The following ABLIM2 variants were observed in gnomAD, a reference collection of about 807,000 sequenced individuals.
The protein encoded by ABLIM2 is actin-binding LIM protein 2.
In ABLIM2, 53 loss-of-function variants were observed where a neutral mutation model predicts 97.7. The ratio of observed to expected loss-of-function variants is 0.54; its 90% CI spans 0.44 to 0.68. ABLIM2 has a LOEUF of 0.68. Ranked by LOEUF, ABLIM2 falls within the 30% of genes least tolerant of loss-of-function variation. The pLI, the probability that ABLIM2 is intolerant of heterozygous loss-of-function variation, is 0.00. For synonymous variants in ABLIM2, 361 were observed against 345.8 expected (o/e 1.04, Z -0.49); for missense variants, 835 against 867.2 (o/e 0.96, Z 0.47).
intron 6 of ABLIM2, among the ~76,000 whole-genome samples, chr4:8,070,718 G>C (rs570815672): frequency 6.6e-6 from 1 of 152,286 alleles, no homozygotes; most frequent in East Asian, 1.9e-4. Context: ...TCTAGCCCAG[G>C]GTGGAACACA....
intron 16 of ABLIM2, among the ~76,000 whole-genome samples, chr4:7,997,582 C>T (rs1754158645): frequency 6.6e-6 from 1 of 151,918 alleles, no homozygotes; most frequent in Non-Finnish European, 1.5e-5. Flanking sequence ...TTTTTCAGTT[C>T]TATAATTTCC....
Position 8,061,052 on chromosome 4 carries a change from G to T in ABLIM2, c.678C>A (p.Ala226=). 6.3e-7 allele frequency: 1 copy of T among 1,585,402 alleles called. No individual in the cohort carries two copies. Among genetic ancestry groups the T allele is most frequent in the Non-Finnish European group, 8.6e-7 (1 of 1,165,480 alleles). The part of the protein sequence containing the change: ...EKYITGRVLE[A]GEKHYHPSCA... The stretch of plus-strand genomic sequence containing the variant: ...AGGAAGGGTGGTAGTGCTTCTCTCC[G>T]GCCTGTAAGAAAAGCACAAAGCAGA... The change falls in exon 7 of 21, where the codon GCC becomes GCA. Residue 226 remains alanine, a splice_region_variant and synonymous_variant. Coordinates refer to ENST00000447017, the MANE Select transcript of ABLIM2 (RefSeq NM_001130083.2). The surrounding 1 kb of genome is among the most constrained non-coding windows in gnomAD (Gnocchi z 4.5).
intron 14 of ABLIM2, among the ~76,000 whole-genome samples, chr4:8,016,039 T>C (rs1768884128): frequency 1.8e-5 from 2 of 112,228 alleles, no homozygotes; most frequent in South Asian, 2.7e-4. Context: ...TTTTTTGTTG[T>C]TGTATTTTTT....
chr4:8,002,640 C>T lies in ABLIM2; in HGVS notation c.1618+5419G>A, dbSNP rs1027296201. Among the ~76,000 whole-genome samples the T allele has an allele frequency of 1.3e-5, 2 of 152,172 alleles. No individual in the cohort carries two copies. The highest frequency in any genetic ancestry group is 1.3e-4 in the Admixed American group (2 of 15,278). ...CGAGTCCCAGCTCCGCCACCCTCAC[C>T]GTCTCGGTTTCCCAAGGCCGCCCTG... On this transcript the variant is annotated intron_variant, in intron 16 of 20. Coordinates refer to ENST00000447017, the MANE Select transcript of ABLIM2 (RefSeq NM_001130083.2). The surrounding 1 kb of genome is among the most constrained non-coding windows in gnomAD (Gnocchi z 6.1).
At chr4:8,131,042 C>G (rs1405316355) in intron 1 of ABLIM2, among the ~76,000 whole-genome samples, 1 of 152,236 alleles carries the variant, frequency 6.6e-6, no homozygotes, top group East Asian at 1.9e-4. Context: ...GGTCACCCCA[C>G]TCTGCCTCTC....
chr4:8,127,600 G>C lies in ABLIM2; in HGVS notation c.11-20963C>G. 7.8e-7 allele frequency: 1 copy of C among 1,289,634 alleles called. No homozygotes were observed. Among genetic ancestry groups the C allele is most frequent in the South Asian group, 1.2e-5 (1 of 81,014 alleles). 79.9% of individuals were successfully genotyped at this position (1,289,634 alleles called of 1,614,324 possible). On this transcript the variant is annotated intron_variant, in intron 1 of 20. Transcript: ENST00000447017. This position sits in a 1 kb window ranked among gnomAD's most constrained non-coding sequence, Gnocchi z 7.3. ...GCGTGGCTGCTTGCAAAGGGCCAGC[G>C]GGTCGGCGGCTCTCCCTCTGCGTGG...
chr4:8,091,291 TATTATATATTATATTATATATATA>T (rs1561323029), intron 3 of ABLIM2, among the ~76,000 whole-genome samples: 1 of 54,636 alleles, frequency 1.8e-5, no homozygotes, highest in East Asian at 5.1e-4. Flanking sequence ...TTATATATAA[TATTATATATTATATTATATATATA>T]TAATTATATA....
chr4:8,076,470 A>G (rs1816084133), intron 6 of ABLIM2, among the ~76,000 whole-genome samples: 1 of 152,098 alleles, frequency 6.6e-6, no homozygotes, highest in South Asian at 2.1e-4. Flanking sequence ...AATGTGGCCC[A>G]GCATTCCCTG....
At position 8,003,521 on chromosome 4, in the gene ABLIM2, A is replaced by ACCCACTG. The variant is rs1412391856; in HGVS notation, c.1618+4531_1618+4537dup. Among the ~76,000 whole-genome samples the ACCCACTG allele has an allele frequency of 6.8e-6, 1 of 146,948 alleles. No individual in the cohort carries two copies. The highest frequency in any genetic ancestry group is 1.5e-5 in the Non-Finnish European group (1 of 67,296). On this transcript the variant is annotated intron_variant, in intron 16 of 20. Transcript: ENST00000447017. The surrounding 1 kb of genome is among the most constrained non-coding windows in gnomAD (Gnocchi z 4.2). ...CTGAATCTGTTGACTGGCAGCTCCC[A>ACCCACTG]CCCACTGTCTCTGGACCACTACGCT...
rs996456788 is a variant in ABLIM2, at chr4:8,023,794, T to G, written c.1268-3491A>C. Among the ~76,000 whole-genome samples the G allele has an allele frequency of 2.0e-5, 3 of 152,244 alleles. No individual in the cohort carries two copies. The highest frequency in any genetic ancestry group is 7.2e-5 in the African/African-American group (3 of 41,466). On this transcript the variant is annotated intron_variant, in intron 12 of 20. Transcript: ENST00000447017. This position sits in a 1 kb window ranked among gnomAD's most constrained non-coding sequence, Gnocchi z 5.7. ...TACTCAACATTTATGTAGATCCTTG[T>G]GGACTGACGGCTCTTGCTATTATAC...
At chr4:8,098,449 C>T (rs918740852) in intron 2 of ABLIM2, among the ~76,000 whole-genome samples, 8 of 152,176 alleles carry the variant, frequency 5.3e-5, no homozygotes, top group Non-Finnish European at 7.3e-5. Flanking sequence ...AGTGGGATAT[C>T]GAGGCCAAAG....
At chr4:8,017,457 T>C (rs1286815811) in intron 14 of ABLIM2, among the ~76,000 whole-genome samples, 3 of 152,014 alleles carry the variant, frequency 2.0e-5, no homozygotes, top group Non-Finnish European at 4.4e-5. Flanking sequence ...TGGCTATTTT[T>C]TTTGTATTTT....
Position 8,088,265 on chromosome 4 carries a change from C to T in ABLIM2, c.358G>A (p.Asp120Asn), listed in dbSNP as rs1400008393. 5.6e-6 allele frequency: 9 copies of T among 1,612,590 alleles called. No homozygotes were observed. The highest frequency in any genetic ancestry group is 7.6e-6 in the Non-Finnish European group (9 of 1,179,374). The change falls in exon 4 of 21, where the codon GAC becomes AAC. Residue 120 changes from aspartate (D) to asparagine (N), a missense_variant. Coordinates refer to ENST00000447017, the MANE Select transcript of ABLIM2 (RefSeq NM_001130083.2). ...TCCTTCCCGTTGAAGGTCACTCGGT[C>T]CCCGGGGGGGAAGGGCAGCCTGAAA... ...AVCRLPFPPG[D>N]RVTFNGKECM...
At chr4:8,080,176 G>A (rs925247703) in intron 5 of ABLIM2, among the ~76,000 whole-genome samples, 1 of 152,218 alleles carries the variant, frequency 6.6e-6, no homozygotes, top group African/African-American at 2.4e-5. Context: ...AGCTGCCCCA[G>A]GGGCCCCCGC....
At position 8,005,925 on chromosome 4, in the gene ABLIM2, G is replaced by T. The variant is rs1212168483; in HGVS notation, c.1618+2134C>A. Among the ~76,000 whole-genome samples the T allele has an allele frequency of 1.3e-5, 2 of 152,216 alleles. No individual in the cohort carries two copies. Among genetic ancestry groups the T allele is most frequent in the Non-Finnish European group, 2.9e-5 (2 of 68,026 alleles). On this transcript the variant is annotated intron_variant, in intron 16 of 20. Transcript: ENST00000447017. This position sits in a 1 kb window ranked among gnomAD's most constrained non-coding sequence, Gnocchi z 4.9. ...TTCATGAGTGCAGCACGGGCCATTG[G>T]AGTCCTGCAGACCCAGCATGCCAGG...
intron 1 of ABLIM2, among the ~76,000 whole-genome samples, chr4:8,126,828 G>T (rs1186310971): frequency 6.6e-6 from 1 of 152,078 alleles, no homozygotes; most frequent in East Asian, 1.9e-4. Context: ...CACTTTGAGA[G>T]GCTGAGATGG....
At chr4:8,107,420 C>T (rs1166486039) in intron 1 of ABLIM2, among the ~76,000 whole-genome samples, 3 of 152,256 alleles carry the variant, frequency 2.0e-5, no homozygotes, top group Admixed American at 6.5e-5. Flanking sequence ...TAGGGATGGC[C>T]AGGTGAGCAA....
At chr4:8,030,383 C>T (rs1251860197) in intron 10 of ABLIM2, among the ~76,000 whole-genome samples, 1 of 152,178 alleles carries the variant, frequency 6.6e-6, no homozygotes, top group Non-Finnish European at 1.5e-5. Context: ...GAGCAGGCTG[C>T]CTGGCCCACC....
intron 8 of ABLIM2, among the ~76,000 whole-genome samples, chr4:8,050,429 G>A (rs1460461618): frequency 6.6e-6 from 1 of 152,148 alleles, no homozygotes; most frequent in African/African-American, 2.4e-5. Flanking sequence ...CTCAGGGGTT[G>A]GCCTCTTGCT....
Sources: gnomAD v4.1 joint callset for allele counts (sites outside exome capture counted in the v4.1 genomes callset) on GRCh38, gnomAD v4.1.1 for gene constraint, Gnocchi (gnomAD v3.1) non-coding constraint, MANE v1.5 for transcripts, NCBI Gene and HGNC (gene_info 2026-07-23, HGNC 2026-07-21) for gene names.